Variants in PRTG observed in about 807,000 individuals in gnomAD.
PRTG encodes protogenin.
In PRTG, 67 loss-of-function variants were observed where a neutral mutation model predicts 122.5. The ratio of observed to expected loss-of-function variants is 0.55; its 90% CI spans 0.45 to 0.67. The LOEUF (loss-of-function observed/expected upper bound fraction) is 0.67. Among genes scored for constraint, PRTG ranks in the 30% least tolerant of loss-of-function variants. PRTG has a pLI of 0.00. For missense variants in PRTG, 1,435 were observed against 1,415.4 expected, an observed-to-expected ratio of 1.01 and a Z score of -0.22; for synonymous variants, 554 against 501.1, an observed-to-expected ratio of 1.11 and a Z score of -1.41.
intron 2 of PRTG, among the ~76,000 whole-genome samples, chr15:55,693,188 G>T (rs1241374494): frequency 6.6e-6 from 1 of 152,066 alleles, no homozygotes; most frequent in African/African-American, 2.4e-5. Context: ...AGGGTGTGGT[G>T]GCTCACGCCT....
chr15:55,672,061 G>A (rs925552196), intron 11 of PRTG, among the ~76,000 whole-genome samples: 1 of 152,108 alleles, frequency 6.6e-6, no homozygotes, highest in African/African-American at 2.4e-5. Context: ...AGTACTCTCA[G>A]GCACATTTTA....
Position 55,673,626 on chromosome 15 carries a change from T to G in PRTG, c.1597A>C (p.Ile533Leu). The G allele has an allele frequency of 6.2e-7, 1 of 1,614,186 alleles. No individual in the cohort carries two copies. Among genetic ancestry groups the G allele is most frequent in the South Asian group, 1.1e-5 (1 of 91,088 alleles). Residue 533 changes from isoleucine (I) to leucine (L), a missense_variant, in exon 10 of 20, where the codon ATT becomes CTT. Physicochemically the swap from Ile to Leu is conservative, Grantham distance 5. Coordinates refer to ENST00000389286, the MANE Select transcript of PRTG (RefSeq NM_173814.6). ...GGGATTGGCAGCCAGGAGATGAGAATATCAGTGGGACTTCGACTTGTCAAA... is the reference window on the plus strand; with the variant it reads ...GGGATTGGCAGCCAGGAGATGAGAAGATCAGTGGGACTTCGACTTGTCAAA... The part of the protein sequence containing the change: ...ISLTSRSPTD[I>L]LISWLPIPAK...
At chr15:55,673,752 C>A in intron 9 of PRTG, 76 bp from the exon 10 acceptor site, 3 of 1,109,618 alleles carry the variant, frequency 2.7e-6, no homozygotes, top group Non-Finnish European at 4.0e-6. Context: ...TAACTGAATT[C>A]TCTTAATTAG....
chr15:55,674,381 C>T (rs1462996309), intron 9 of PRTG, among the ~76,000 whole-genome samples: 2 of 152,124 alleles, frequency 1.3e-5, no homozygotes, highest in African/African-American at 4.8e-5. Context: ...TACAGTGTTT[C>T]CCTGCTATGC....
chr15:55,738,002 C>CTCTCTCTATA lies in PRTG; in HGVS notation c.397+2379_397+2380insTATAGAGAGA, dbSNP rs1248440584. Among the ~76,000 whole-genome samples the CTCTCTCTATA allele has an allele frequency of 1.2e-3, 114 of 96,652 alleles. 1 individual carries two copies. Among genetic ancestry groups the CTCTCTCTATA allele is most frequent in the East Asian group, 6.5e-3 (20 of 3,090 alleles). 63.4% of individuals were successfully genotyped at this position (96,652 alleles called of 152,430 possible). On this transcript the variant is annotated intron_variant, in intron 2 of 19. Transcript: ENST00000389286. ...TCTCTCTCTCTCTCTCTCTCTCTCT[C>CTCTCTCTATA]TATATATATATATATATATATATAC... is the stretch of plus-strand genomic sequence containing the variant.
At chr15:55,742,648 G>T (rs1425112508) in intron 1 of PRTG, 190 bp downstream of exon 1, 3 of 640,898 alleles carry the variant, frequency 4.7e-6, no homozygotes, top group Non-Finnish European at 7.8e-6. Context: ...CGCAGAGGCC[G>T]CAAGCAACTA....
At chr15:55,673,787 T>G in intron 9 of PRTG, 111 bp from the exon 10 acceptor site, 1 of 814,046 alleles carries the variant, frequency 1.2e-6, no homozygotes, top group South Asian at 1.8e-5. Flanking sequence ...GAAGAGACAC[T>G]TTCAGCCCTA....
chr15:55,700,829 G>C lies in PRTG; in HGVS notation c.398-16898C>G, dbSNP rs376698901. On this transcript the variant is annotated intron_variant, in intron 2 of 19. Transcript: ENST00000389286. Reference sequence around the variant, plus strand: ...CTTGGAAAAATACTGTTAAGAGAATGAAAGAACAGACTCTCCCACAGACTT... The same window carrying C: ...CTTGGAAAAATACTGTTAAGAGAATCAAAGAACAGACTCTCCCACAGACTT... 1.4e-4 allele frequency among the ~76,000 whole-genome samples: 21 copies of C among 152,142 alleles called. No homozygotes were observed. The South Asian group carries it at 4.2e-3, about 30-fold the overall frequency.
chr15:55,734,628 A>G (rs944342341), intron 2 of PRTG, among the ~76,000 whole-genome samples: 2 of 151,712 alleles, frequency 1.3e-5, no homozygotes, highest in Non-Finnish European at 2.9e-5. Flanking sequence ...TAAACACGAA[A>G]AAAGGGCAAA....
intron 2 of PRTG, among the ~76,000 whole-genome samples, chr15:55,737,991 T>C (rs1469941144): frequency 1.6e-5 from 1 of 62,600 alleles, no homozygotes; most frequent in African/African-American, 5.1e-5. Context: ...TCTCTCTCTC[T>C]CTCTCTCTCT....
chr15:55,678,831 A>T (rs2059519667), intron 7 of PRTG, among the ~76,000 whole-genome samples: 1 of 152,252 alleles, frequency 6.6e-6, no homozygotes. Flanking sequence ...TGTTCAACAC[A>T]AATGAGAATG....
intron 2 of PRTG, among the ~76,000 whole-genome samples, chr15:55,703,283 ATAG>A (rs1377568901): frequency 6.6e-6 from 1 of 152,224 alleles, no homozygotes; most frequent in Non-Finnish European, 1.5e-5. Context: ...AGAGGAGAAA[ATAG>A]TTACAGTAAA....
At chr15:55,732,429 C>T (rs773204649) in intron 2 of PRTG, among the ~76,000 whole-genome samples, 27 of 151,896 alleles carry the variant, frequency 1.8e-4, no homozygotes, top group Non-Finnish European at 3.1e-4. Flanking sequence ...AACTGATCTA[C>T]CTGCCTCAGG....
intron 2 of PRTG, among the ~76,000 whole-genome samples, chr15:55,720,919 C>T (rs368372826): frequency 6.6e-6 from 1 of 152,132 alleles, no homozygotes; most frequent in East Asian, 1.9e-4. Flanking sequence ...CATGCCTCTC[C>T]TGACTCCCAA....
At chr15:55,623,481 C>T (rs773794077) in intron 18 of PRTG, among the ~76,000 whole-genome samples, 1 of 152,088 alleles carries the variant, frequency 6.6e-6, no homozygotes, top group Non-Finnish European at 1.5e-5. Context: ...GCAGGAGAAT[C>T]GCTCGAACCG....
rs1041897591 is a variant in PRTG at position 55,613,371 on chromosome 15, G to C, written c.*6641C>G. On this transcript the variant is annotated 3_prime_UTR_variant, in exon 20 of 20. Coordinates refer to ENST00000389286, the MANE Select transcript of PRTG (RefSeq NM_173814.6). ...TCAATGAATTCCTGTTTGGAATATG[G>C]GAGCTACAGAAAATTACAAAAGATA... 2 of 152,030 alleles carry C rather than the reference G, an allele frequency of 1.3e-5. No homozygotes were observed. Among genetic ancestry groups the C allele is most frequent in the African/African-American group, 4.8e-5 (2 of 41,400 alleles). 9.4% of individuals were successfully genotyped at this position (152,030 alleles called of 1,614,324 possible). A position where few individuals can be genotyped will look rare whatever the true frequency, so the allele number is the denominator to read the frequency against.
chr15:55,739,472 C>T (rs1367186784), intron 2 of PRTG, among the ~76,000 whole-genome samples: 2 of 152,054 alleles, frequency 1.3e-5, no homozygotes, highest in East Asian at 1.9e-4. Flanking sequence ...AGGTATAGTG[C>T]GAAATCTATG....
In PRTG at chr15:55,618,873, T is replaced by C. The variant is rs905599631; in HGVS notation, c.*1139A>G. 6.6e-6 allele frequency: 1 copy of C among 152,210 alleles called. No individual in the cohort carries two copies. The highest frequency in any genetic ancestry group is 1.5e-5 in the Non-Finnish European group (1 of 68,046). The allele number at this position is 152,210 out of a possible 1,614,324, so 9.4% of individuals were successfully genotyped here. ...AGGTATAAGGCAAAGAATTTCATTA[T>C]ACTGAAAGGCACTGTTACCATAATA... On this transcript the variant is annotated 3_prime_UTR_variant, in exon 20 of 20. Transcript: ENST00000389286.
chr15:55,699,782 GA>G (rs1467501343), intron 2 of PRTG, among the ~76,000 whole-genome samples: 1 of 152,148 alleles, frequency 6.6e-6, no homozygotes, highest in Admixed American at 6.5e-5. Flanking sequence ...ATCTAGAGCA[GA>G]GAACCCTTCA....
Sources: allele counts gnomAD v4.1 joint callset (sites outside exome capture counted in the v4.1 genomes callset), GRCh38; gene constraint gnomAD v4.1.1; transcripts MANE v1.5; gene names NCBI Gene and HGNC (gene_info 2026-07-23, HGNC 2026-07-21).